GMEB2: variants seen among roughly 807,000 people sequenced by gnomAD.
GMEB2 encodes the protein glucocorticoid modulatory element binding protein 2.
A neutral mutation model predicts 45.7 loss-of-function variants in GMEB2; 7 were observed. The ratio of observed to expected loss-of-function variants is 0.15; its 90% CI spans 0.09 to 0.29. The LOEUF (loss-of-function observed/expected upper bound fraction) is 0.29, where lower values mean the gene tolerates loss of function less well. Ranked by LOEUF, GMEB2 falls within the 10% of genes least tolerant of loss-of-function variation. The pLI, the probability that GMEB2 is intolerant of heterozygous loss-of-function variation, is 1.00. For missense variants in GMEB2, 582 were observed against 739.2 expected, an observed-to-expected ratio of 0.79 and a Z score of 2.47; for synonymous variants, 322 against 323.6, an observed-to-expected ratio of 1.00 and a Z score of 0.05.
At chr20:63,625,966 T>C (rs960566955) in intron 1 of GMEB2, among the ~76,000 whole-genome samples, 3 of 152,234 alleles carry the variant, frequency 2.0e-5, no homozygotes, top group African/African-American at 7.2e-5. Context: ...ACTGTTGTAT[T>C]TGAAGTGTTA....
At chr20:63,626,221 A>AGTGGGGTAATCCCTGTGGGTCTCGTCCCT (rs2089670552) in intron 1 of GMEB2, among the ~76,000 whole-genome samples, 1 of 13,764 alleles carries the variant, frequency 7.3e-5, no homozygotes, top group Non-Finnish European at 4.5e-4. Context: ...AGTGGGTCCC[A>AGTGGGGTAATCCCTGTGGGTCTCGTCCCT]GTGGGGTGAT....
intron 3 of GMEB2, among the ~76,000 whole-genome samples, chr20:63,604,341 G>A (rs1314421770): frequency 6.7e-6 from 1 of 150,286 alleles, no homozygotes; most frequent in Non-Finnish European, 1.5e-5. Context: ...TCGTGCCACT[G>A]CACTCTAGCC....
rs372331903 is a variant in GMEB2, at chr20:63,619,405, C to T, written c.-8G>A. 9 of 1,608,068 alleles carry T rather than the reference C, an allele frequency of 5.6e-6. No individual in the cohort carries two copies. The highest frequency in any genetic ancestry group is 2.2e-5 in the South Asian group (2 of 90,974). Reference sequence around the variant, plus strand: ...CACGTCGGGAGTCGCCATGGCTCAGCGGAAGGGGACGCCCAGGCCAGCAGC... The same window carrying T: ...CACGTCGGGAGTCGCCATGGCTCAGTGGAAGGGGACGCCCAGGCCAGCAGC... On this transcript the variant is annotated 5_prime_UTR_variant, in exon 2 of 10. Coordinates refer to ENST00000370077, the MANE Select transcript of GMEB2 (RefSeq NM_012384.5). The surrounding 1 kb of genome is among the most constrained non-coding windows in gnomAD (Gnocchi z 4.6).
At chr20:63,605,711 T>G (rs1197120580) in intron 2 of GMEB2, among the ~76,000 whole-genome samples, 1 of 151,418 alleles carries the variant, frequency 6.6e-6, no homozygotes, top group African/African-American at 2.4e-5. Context: ...TCCCAGTACT[T>G]TGGGAGGCTG....
intron 3 of GMEB2, among the ~76,000 whole-genome samples, chr20:63,603,341 C>G (rs1199574041): frequency 1.3e-5 from 2 of 152,164 alleles, no homozygotes; most frequent in African/African-American, 4.8e-5. Flanking sequence ...TATGGTTCAA[C>G]TGAAGACCCA....
chr20:63,592,997 G>A lies in GMEB2; in HGVS notation c.691+14C>T. 1 of 1,584,712 alleles carries A rather than the reference G, an allele frequency of 6.3e-7. No individual in the cohort carries two copies. The highest frequency in any genetic ancestry group is 8.6e-7 in the Non-Finnish European group (1 of 1,156,800). On this transcript the variant is annotated intron_variant, in intron 7 of 9. Coordinates refer to ENST00000370077, the MANE Select transcript of GMEB2 (RefSeq NM_012384.5). This position sits in a 1 kb window ranked among gnomAD's most constrained non-coding sequence, Gnocchi z 8.2. ...CCAGGGCTTGTGAGAAGCCCACAAGGAGGAACCTCGTACCTCCAATGGCCG... is the reference window on the plus strand; with the variant it reads ...CCAGGGCTTGTGAGAAGCCCACAAGAAGGAACCTCGTACCTCCAATGGCCG...
intron 2 of GMEB2, among the ~76,000 whole-genome samples, chr20:63,616,851 C>T (rs1188569942): frequency 6.6e-6 from 1 of 152,166 alleles, no homozygotes; most frequent in Non-Finnish European, 1.5e-5. Context: ...CTGTGTCCCC[C>T]GTAAAATTCA....
chr20:63,603,608 A>G (rs1272077976), intron 3 of GMEB2, among the ~76,000 whole-genome samples: 3 of 152,098 alleles, frequency 2.0e-5, no homozygotes, highest in Non-Finnish European at 4.4e-5. Flanking sequence ...GGGCACCTGT[A>G]GTCCCAGCTA....
chr20:63,589,351 T>C lies in GMEB2; in HGVS notation c.*738A>G. On this transcript the variant is annotated 3_prime_UTR_variant, in exon 10 of 10. Transcript: ENST00000370077. ...ATTTTGGTTGAAAATGCTATAAATC[T>C]GACTCTTCCTAGAAGCCTACTAAGC... 2.5e-6 allele frequency: 1 copy of C among 397,940 alleles called. No individual in the cohort carries two copies. The highest frequency in any genetic ancestry group is 4.4e-6 in the Non-Finnish European group (1 of 225,854). 24.7% of individuals were successfully genotyped at this position (397,940 alleles called of 1,614,324 possible). A position where few individuals can be genotyped will look rare whatever the true frequency, so the allele number is the denominator to read the frequency against.
intron 2 of GMEB2, among the ~76,000 whole-genome samples, chr20:63,613,788 A>C (rs1481954248): frequency 6.6e-6 from 1 of 152,168 alleles, no homozygotes; most frequent in African/African-American, 2.4e-5. Context: ...CTGGGATTAC[A>C]GGTGTGAGCC....
Position 63,589,762 on chromosome 20 carries a change from A to T in GMEB2, c.*327T>A. The T allele has an allele frequency of 8.2e-6, 2 of 244,110 alleles. No homozygotes were observed. The highest frequency in any genetic ancestry group is 7.8e-6 in the Non-Finnish European group (1 of 127,880). The allele number at this position is 244,110 out of a possible 1,614,324, so 15.1% of individuals were successfully genotyped here. A position where few individuals can be genotyped will look rare whatever the true frequency, so the allele number is the denominator to read the frequency against. ...GCTCTGCTTCCTCTGTCTCTGCTGC[A>T]CCCAGGCTCCCCCTAGCCCCCGCCC... On this transcript the variant is annotated 3_prime_UTR_variant, in exon 10 of 10. Transcript: ENST00000370077.
chr20:63,618,034 C>A (rs961962447), intron 2 of GMEB2, among the ~76,000 whole-genome samples: 1 of 152,042 alleles, frequency 6.6e-6, no homozygotes, highest in Admixed American at 6.5e-5. Context: ...GAGACGTGGA[C>A]ACCACCCCAG....
At chr20:63,616,218 C>T (rs2089607701) in intron 2 of GMEB2, among the ~76,000 whole-genome samples, 1 of 152,022 alleles carries the variant, frequency 6.6e-6, no homozygotes, top group Non-Finnish European at 1.5e-5. Context: ...CTGAGGCAGG[C>T]AGATCACCTA....
At chr20:63,603,174 A>G in intron 3 of GMEB2, 82 bp from the exon 4 acceptor site, 1 of 1,477,052 alleles carries the variant, frequency 6.8e-7, no homozygotes, top group Non-Finnish European at 9.3e-7. Flanking sequence ...GAAAATGCAG[A>G]AAATAGCTAC....
intron 3 of GMEB2, among the ~76,000 whole-genome samples, chr20:63,604,218 A>AT (rs955519190): frequency 6.7e-6 from 1 of 148,180 alleles, no homozygotes; most frequent in African/African-American, 2.5e-5. Flanking sequence ...AAAAAAAAAA[A>AT]AGTTTTTTAA....
intron 2 of GMEB2, among the ~76,000 whole-genome samples, chr20:63,607,504 CCA>C (rs1185606659): frequency 4.9e-5 from 1 of 20,396 alleles, no homozygotes; most frequent in East Asian, 5.5e-4. Flanking sequence ...CCCCTCTGAC[CCA>C]CACATCCATT....
At position 63,588,186 on chromosome 20, in the gene GMEB2, G is replaced by A. The variant is rs1182852819; in HGVS notation, c.*1903C>T. The A allele has an allele frequency of 2.0e-5, 3 of 152,572 alleles. No homozygotes were observed. The East Asian group carries it at 5.6e-4, about 29-fold the overall frequency. 9.5% of individuals were successfully genotyped at this position (152,572 alleles called of 1,614,324 possible). The stretch of plus-strand genomic sequence containing the variant: ...CCTCTCCCTATGCCTCAGTAGCTAA[G>A]GGGCAGGGGCAGAAAAGGTCCCAAC... On this transcript the variant is annotated 3_prime_UTR_variant, in exon 10 of 10. Transcript: ENST00000370077.
intron 6 of GMEB2, among the ~76,000 whole-genome samples, chr20:63,594,332 G>C (rs1281486724): frequency 6.6e-6 from 1 of 152,232 alleles, no homozygotes; most frequent in African/African-American, 2.4e-5. Context: ...CCTGGCAGGC[G>C]GTCAGGCAGG....
chr20:63,624,432 A>AG (rs2089657295), intron 1 of GMEB2, among the ~76,000 whole-genome samples: 1 of 151,816 alleles, frequency 6.6e-6, no homozygotes, highest in African/African-American at 2.4e-5. Flanking sequence ...CTGTCTCAAA[A>AG]AAAAAAAAAT....
Sources: gnomAD v4.1 joint callset for allele counts (sites outside exome capture counted in the v4.1 genomes callset) on GRCh38, gnomAD v4.1.1 for gene constraint, Gnocchi (gnomAD v3.1) non-coding constraint, MANE v1.5 for transcripts, NCBI Gene and HGNC (gene_info 2026-07-23, HGNC 2026-07-21) for gene names.